CD2AP: variants seen among roughly 807,000 people sequenced by gnomAD.
CD2AP encodes CD2 associated protein.
CD2AP carries 46 observed loss-of-function variants against 85.1 expected under a neutral mutation model. The ratio of observed to expected loss-of-function variants is 0.54; its 90% CI spans 0.43 to 0.69. The LOEUF (loss-of-function observed/expected upper bound fraction) is 0.69. CD2AP is among the 30% of genes least tolerant of loss of function. The probability of loss-of-function intolerance (pLI) is 0.00; values close to 1 mark genes in which losing one functional copy is unlikely to be tolerated. For missense variants in CD2AP, 769 were observed against 729.5 expected (o/e 1.05, Z -0.62); for synonymous variants, 255 against 252.9 (o/e 1.01, Z -0.08).
At chr6:47,581,296 A>G (rs1768474136) in intron 10 of CD2AP, among the ~76,000 whole-genome samples, 1 of 152,212 alleles carries the variant, frequency 6.6e-6, no homozygotes, top group Admixed American at 6.5e-5. Context: ...TAAACAAAGT[A>G]GATGATTTTA....
At chr6:47,615,786 TAATTTA>T (rs1769563376) in intron 17 of CD2AP, among the ~76,000 whole-genome samples, 2 of 95,904 alleles carry the variant, frequency 2.1e-5, no homozygotes, top group South Asian at 4.6e-4. Context: ...AATTTTAATT[TAATTTA>T]ATTTATTTAT....
intron 1 of CD2AP, among the ~76,000 whole-genome samples, chr6:47,500,255 G>T (rs950458231): frequency 2.0e-5 from 3 of 152,096 alleles, no homozygotes; most frequent in African/African-American, 7.2e-5. Context: ...AATTACTGTG[G>T]TTGATATAGA....
At chr6:47,604,564 A>G (rs1769220247) in intron 13 of CD2AP, among the ~76,000 whole-genome samples, 1 of 152,024 alleles carries the variant, frequency 6.6e-6, no homozygotes, top group African/African-American at 2.4e-5. Context: ...ATTGGATTGT[A>G]CTTGTTAAGG....
In CD2AP at chr6:47,496,067, C is replaced by G. The variant is rs181825557; in HGVS notation, c.5-7213C>G. ...ATACTTACCACTTCTTTTGTTTTTC[C>G]TTTCTTTTCTACATTGCTGATACTT... On this transcript the variant is annotated intron_variant, in intron 1 of 17. Coordinates refer to ENST00000359314, the MANE Select transcript of CD2AP (RefSeq NM_012120.3). 2.0e-5 allele frequency among the ~76,000 whole-genome samples: 3 copies of G among 151,818 alleles called. No individual in the cohort carries two copies. The East Asian group carries it at 5.8e-4, about 29-fold the overall frequency.
chr6:47,586,917 G>A (rs193037910), intron 11 of CD2AP, among the ~76,000 whole-genome samples: 3 of 152,202 alleles, frequency 2.0e-5, no homozygotes, highest in Non-Finnish European at 4.4e-5. Flanking sequence ...ACAAGAGAAG[G>A]CATAACAAAG....
intron 13 of CD2AP, among the ~76,000 whole-genome samples, chr6:47,604,406 T>G (rs1769216429): frequency 6.6e-6 from 1 of 152,082 alleles, no homozygotes. Context: ...ACATTTTACA[T>G]GAGCATGGTG....
At chr6:47,494,708 A>G (rs1372152563) in intron 1 of CD2AP, among the ~76,000 whole-genome samples, 1 of 152,230 alleles carries the variant, frequency 6.6e-6, no homozygotes, top group Non-Finnish European at 1.5e-5. Context: ...ATAGGACAGC[A>G]TTCTCCTAGG....
intron 4 of CD2AP, among the ~76,000 whole-genome samples, chr6:47,548,499 T>C (rs1387995489): frequency 1.3e-5 from 2 of 151,972 alleles, no homozygotes; most frequent in Admixed American, 6.6e-5. Flanking sequence ...CTTGATTAAA[T>C]CAGGAAGAAT....
chr6:47,497,128 A>T, intron 1 of CD2AP, among the ~76,000 whole-genome samples: 1 of 148,114 alleles, frequency 6.8e-6, no homozygotes, highest in African/African-American at 2.4e-5. Flanking sequence ...TTACTTTCAC[A>T]TTATTATGAC....
At chr6:47,607,767 T>C in intron 14 of CD2AP, 160 bp from the exon 15 acceptor site, 2 of 563,780 alleles carry the variant, frequency 3.5e-6, no homozygotes, top group Admixed American at 3.0e-5. Flanking sequence ...AAATGTGTTA[T>C]TCAGCTTGAA....
At chr6:47,527,679 T>C (rs1766765955) in intron 2 of CD2AP, among the ~76,000 whole-genome samples, 1 of 152,186 alleles carries the variant, frequency 6.6e-6, no homozygotes, top group African/African-American at 2.4e-5. Flanking sequence ...GAAGTAACTA[T>C]GTTGTCAGCT....
intron 1 of CD2AP, among the ~76,000 whole-genome samples, chr6:47,482,694 A>G (rs1406182575): frequency 6.6e-6 from 1 of 152,116 alleles, no homozygotes; most frequent in Non-Finnish European, 1.5e-5. Flanking sequence ...TTTCTAATTG[A>G]GGGATTTGCA....
rs1769877908 is a variant in CD2AP at position 47,625,163 on chromosome 6, C to CAATGAAAAAGA, written c.*936_*937insAATGAAAAAGA. Reference sequence around the variant, plus strand: ...TTTCTCATTATCTTGTCACTTAGTTCTTCATGTTTCTCCTTCTGACTTTTA... The same window carrying CAATGAAAAAGA: ...TTTCTCATTATCTTGTCACTTAGTTCAATGAAAAAGATTCATGTTTCTCCTTCTGACTTTTA... On this transcript the variant is annotated 3_prime_UTR_variant, in exon 18 of 18. Coordinates refer to ENST00000359314, the MANE Select transcript of CD2AP (RefSeq NM_012120.3). The CAATGAAAAAGA allele has an allele frequency of 1.3e-5, 2 of 151,760 alleles. No individual in the cohort carries two copies. The highest frequency in any genetic ancestry group is 4.8e-5 in the African/African-American group (2 of 41,398). The allele number at this position is 151,760 out of a possible 1,614,324, so 9.4% of individuals were successfully genotyped here.
chr6:47,592,788 T>C (rs1582601276), intron 11 of CD2AP, among the ~76,000 whole-genome samples: 1 of 151,896 alleles, frequency 6.6e-6, no homozygotes, highest in South Asian at 2.1e-4. Flanking sequence ...ACGGAAACTC[T>C]GCATCTCTTC....
At chr6:47,560,344 C>T (rs993130592) in intron 5 of CD2AP, among the ~76,000 whole-genome samples, 1 of 152,138 alleles carries the variant, frequency 6.6e-6, no homozygotes, top group East Asian at 1.9e-4. Flanking sequence ...ATTGTTTATT[C>T]TGTAATCTCC....
At chr6:47,595,100 C>G (rs1332197672) in intron 11 of CD2AP, among the ~76,000 whole-genome samples, 2 of 151,816 alleles carry the variant, frequency 1.3e-5, no homozygotes, top group Non-Finnish European at 2.9e-5. Context: ...AATTTTAATA[C>G]CTATTTATGA....
At chr6:47,607,389 A>G (rs1048582246) in intron 14 of CD2AP, among the ~76,000 whole-genome samples, 1 of 152,248 alleles carries the variant, frequency 6.6e-6, no homozygotes, top group South Asian at 2.1e-4. Flanking sequence ...ATTTTTCTCC[A>G]TAATGATTGT....
chr6:47,550,249 ACAGT>A (rs1184957812), intron 4 of CD2AP, among the ~76,000 whole-genome samples: 4 of 152,228 alleles, frequency 2.6e-5, no homozygotes, highest in African/African-American at 2.4e-5. Flanking sequence ...GGCAAAAGAA[ACAGT>A]CAGCAGAGTA....
intron 1 of CD2AP, among the ~76,000 whole-genome samples, chr6:47,501,480 G>A (rs921543565): frequency 6.6e-6 from 1 of 152,204 alleles, no homozygotes; most frequent in Non-Finnish European, 1.5e-5. Context: ...CTGGGGCTGA[G>A]AGAATCTTCG....
Sources: gnomAD v4.1 joint callset for allele counts (sites outside exome capture counted in the v4.1 genomes callset) on GRCh38, gnomAD v4.1.1 for gene constraint, MANE v1.5 for transcripts, NCBI Gene and HGNC (gene_info 2026-07-23, HGNC 2026-07-21) for gene names.